Variants in LMNB1 observed in about 807,000 individuals in gnomAD.
The protein encoded by LMNB1 is lamin B1.
Under a neutral mutation model 67.1 loss-of-function variants are expected in LMNB1, and 23 were observed. That is an observed-to-expected ratio of 0.34 (90% CI 0.25 to 0.49). The LOEUF is 0.49. Among genes scored for constraint, LMNB1 ranks in the 20% least tolerant of loss-of-function variants. LMNB1 has a pLI of 0.99. For synonymous variants in LMNB1, 281 were observed against 282.9 expected (o/e 0.99, Z 0.07); for missense variants, 634 against 746.5 (o/e 0.85, Z 1.76).
At chr5:126,786,284 G>A (rs1011996054) in intron 1 of LMNB1, among the ~76,000 whole-genome samples, 27 of 151,642 alleles carry the variant, frequency 1.8e-4, no homozygotes, top group African/African-American at 5.6e-4. Flanking sequence ...CACTACGCCC[G>A]GCTAATTTTT....
At chr5:126,779,125 G>A (rs967299715) in intron 1 of LMNB1, among the ~76,000 whole-genome samples, 5 of 152,088 alleles carry the variant, frequency 3.3e-5, no homozygotes, top group African/African-American at 1.2e-4. Context: ...CTGTATCTGC[G>A]TGAATGTCCC....
rs1178004444 is a variant in LMNB1, at chr5:126,791,761, C to T, written c.360-13015C>T. Among the ~76,000 whole-genome samples, 4 of 151,078 alleles carry T rather than the reference C, an allele frequency of 2.6e-5. 1 individual carries two copies. The highest frequency in any genetic ancestry group is 9.8e-5 in the African/African-American group (4 of 40,960). On this transcript the variant is annotated intron_variant, in intron 1 of 10. Coordinates refer to ENST00000261366, the MANE Select transcript of LMNB1 (RefSeq NM_005573.4). ...GGATTACAGGTGTGAACCATCATGC[C>T]TAGCCTTTTTTATTCCCTTGATGTC...
chr5:126,806,841 G>T (rs1751448938), intron 3 of LMNB1, among the ~76,000 whole-genome samples: 1 of 151,810 alleles, frequency 6.6e-6, no homozygotes, highest in African/African-American at 2.4e-5. Flanking sequence ...GCAGTGGCAT[G>T]ATCTTGGCTC....
intron 1 of LMNB1, among the ~76,000 whole-genome samples, chr5:126,780,316 C>CTA (rs1363749246): frequency 6.6e-6 from 1 of 152,144 alleles, no homozygotes; most frequent in Non-Finnish European, 1.5e-5. Context: ...AGTGGGGGAG[C>CTA]TATATCCCAG....
At chr5:126,820,825 G>A in intron 6 of LMNB1, 85 bp from the exon 7 acceptor site, 1 of 1,057,698 alleles carries the variant, frequency 9.5e-7, no homozygotes, top group Admixed American at 2.3e-5. Context: ...TCTGTGCCCA[G>A]CCCTTGTTTT....
intron 1 of LMNB1, among the ~76,000 whole-genome samples, chr5:126,800,979 A>T (rs1338880946): frequency 0.1 from 3,527 of 34,616 alleles, 220 homozygotes; most frequent in Non-Finnish European, 0.13. Context: ...ATATATATAT[A>T]TAATTTTTTT....
At chr5:126,784,658 A>ATTTTT (rs35792214) in intron 1 of LMNB1, among the ~76,000 whole-genome samples, 2 of 113,328 alleles carry the variant, frequency 1.8e-5, no homozygotes, top group Non-Finnish European at 3.6e-5. Flanking sequence ...CCTGGCTTGA[A>ATTTTT]TTTTTTTTTT....
chr5:126,820,959 T>G lies in LMNB1; in HGVS notation c.1210T>G (p.Ser404Ala). The G allele has an allele frequency of 6.2e-7, 1 of 1,614,114 alleles. No individual in the cohort carries two copies. The highest frequency in any genetic ancestry group is 8.5e-7 in the Non-Finnish European group (1 of 1,180,014). Residue 404 changes from serine to alanine, a missense_variant, in exon 7 of 11, where the codon TCC becomes GCC. Coordinates refer to ENST00000261366, the MANE Select transcript of LMNB1 (RefSeq NM_005573.4). The stretch of plus-strand genomic sequence containing the variant: ...TTCCCGTGTGACAGTATCCCGAGCA[T>G]CCTCAAGTCGTAGTGTACGTACAAC... ...PSSRVTVSRA[S>A]SSRSVRTTRG...
At chr5:126,792,866 G>A (rs540266272) in intron 1 of LMNB1, among the ~76,000 whole-genome samples, 135 of 152,210 alleles carry the variant, frequency 8.9e-4, no homozygotes, top group African/African-American at 3.0e-3. Flanking sequence ...ATGAGCCACC[G>A]CGCCCGGCAG....
intron 9 of LMNB1, among the ~76,000 whole-genome samples, chr5:126,828,804 G>A (rs940487168): frequency 1.7e-4 from 26 of 151,838 alleles, no homozygotes; most frequent in African/African-American, 6.0e-4. Context: ...CTTGTGATCC[G>A]TCACCTCGGC....
intron 1 of LMNB1, among the ~76,000 whole-genome samples, chr5:126,787,524 G>GTGTATATATATATATA (rs1554112714): frequency 3.4e-5 from 3 of 87,682 alleles, no homozygotes; most frequent in African/African-American, 1.4e-4. Flanking sequence ...GTGTGTGGGG[G>GTGTATATATATATATA]TATATATATA....
At chr5:126,817,053 C>A (rs2973603) in intron 5 of LMNB1, among the ~76,000 whole-genome samples, 107,697 of 152,126 alleles carry the variant, frequency 0.71, 38,233 homozygotes, top group Middle Eastern at 0.74. Flanking sequence ...TCTTCTGTAA[C>A]GATTTATCCA....
At chr5:126,812,741 T>A (rs1398291636) in intron 5 of LMNB1, among the ~76,000 whole-genome samples, 1 of 116,184 alleles carries the variant, frequency 8.6e-6, no homozygotes, top group Non-Finnish European at 1.9e-5. Flanking sequence ...TTTTTTTTTT[T>A]TCTTTTTGAG....
chr5:126,788,585 G>A (rs574419071), intron 1 of LMNB1, among the ~76,000 whole-genome samples: 4 of 152,244 alleles, frequency 2.6e-5, no homozygotes, highest in East Asian at 1.9e-4. Flanking sequence ...TGTAGTGGGC[G>A]GAGGTTGCAG....
chr5:126,782,429 T>A (rs1455205123), intron 1 of LMNB1, among the ~76,000 whole-genome samples: 1 of 152,226 alleles, frequency 6.6e-6, no homozygotes, highest in Non-Finnish European at 1.5e-5. Flanking sequence ...TCATGGCAAG[T>A]GGAGAAAGAC....
chr5:126,797,156 C>A (rs1393807782), intron 1 of LMNB1, among the ~76,000 whole-genome samples: 3 of 152,180 alleles, frequency 2.0e-5, no homozygotes, highest in African/African-American at 7.2e-5. Context: ...CAATAAAATT[C>A]AAGCTTACTT....
chr5:126,823,098 C>T (rs1310864821), intron 8 of LMNB1, among the ~76,000 whole-genome samples: 1 of 152,140 alleles, frequency 6.6e-6, no homozygotes, highest in African/African-American at 2.4e-5. Context: ...TTTATCTTGT[C>T]TATTCCAGTA....
rs762243096 is a variant in LMNB1, at chr5:126,811,892, G to A, written c.933G>A (p.Gln311=). ...TTTCATCCCAGCTTTCTAATCTACA[G>A]AAAGAGGTAAATAATCATCTTTCTG... The part of the protein sequence containing the change: ...ESLSSQLSNL[Q]KESRACLERI... Residue 311 remains glutamine (Q), a synonymous_variant, in exon 5 of 11, where the codon CAG becomes CAA. Coordinates refer to ENST00000261366, the MANE Select transcript of LMNB1 (RefSeq NM_005573.4). 1.2e-6 allele frequency: 2 copies of A among 1,610,606 alleles called. No homozygotes were observed. Among genetic ancestry groups the A allele is most frequent in the East Asian group, 4.5e-5 (2 of 44,826 alleles).
chr5:126,798,380 G>A (rs901424473), intron 1 of LMNB1, among the ~76,000 whole-genome samples: 1 of 152,082 alleles, frequency 6.6e-6, no homozygotes. Flanking sequence ...AACCCAGGAG[G>A]CGGAGCTTGC....
Sources: gnomAD v4.1 joint callset for allele counts (sites outside exome capture counted in the v4.1 genomes callset) on GRCh38, gnomAD v4.1.1 for gene constraint, MANE v1.5 for transcripts, NCBI Gene and HGNC (gene_info 2026-07-23, HGNC 2026-07-21) for gene names.